ATG7: variants seen among roughly 807,000 people sequenced by gnomAD.
ATG7 encodes the protein ubiquitin-like modifier-activating enzyme ATG7.
A neutral mutation model predicts 82.4 loss-of-function variants in ATG7; 70 were observed. The ratio of observed to expected loss-of-function variants is 0.85; its 90% confidence interval spans 0.70 to 1.04. ATG7 has a LOEUF of 1.04. ATG7 is among the 50% of genes least tolerant of loss of function. The probability of loss-of-function intolerance (pLI) is 0.00; values close to 1 mark genes in which losing one functional copy is unlikely to be tolerated. For synonymous variants in ATG7, 287 were observed against 313.0 expected (o/e 0.92, Z 0.88); for missense variants, 792 against 864.3 (o/e 0.92, Z 1.05).
At chr3:11,376,806 T>C (rs2077448202) in intron 18 of ATG7, among the ~76,000 whole-genome samples, 5 of 152,172 alleles carry the variant, frequency 3.3e-5, no homozygotes. Flanking sequence ...TGGCACCATC[T>C]CGGCTCACTG....
At chr3:11,339,133 G>A (rs939152699) in intron 11 of ATG7, among the ~76,000 whole-genome samples, 4 of 151,662 alleles carry the variant, frequency 2.6e-5, no homozygotes, top group African/African-American at 9.7e-5. Flanking sequence ...CATCTCTACT[G>A]AAAATACAAA....
At chr3:11,488,548 G>A (rs1396786211) in intron 20 of ATG7, 25 of 997,558 alleles carry the variant, frequency 2.5e-5, no homozygotes, top group South Asian at 1.3e-4. Flanking sequence ...GCAGCGCAGC[G>A]GCGCCAACCA....
chr3:11,347,970 C>G lies in ATG7; in HGVS notation c.1219C>G (p.Leu407Val). 3 of 1,614,130 alleles carry G rather than the reference C, an allele frequency of 1.9e-6. No homozygotes were observed. The highest frequency in any genetic ancestry group is 8.5e-7 in the Non-Finnish European group (1 of 1,179,986). ...RQPLYEFEDC[L>V]GGGKPKALAA... is the part of the protein sequence containing the mutation. ...GCCTCTCTATGAGTTTGAAGATTGCCTAGGGGGTGGTAAGCCCAAGGCTCT... is the reference window on the plus strand; with the variant it reads ...GCCTCTCTATGAGTTTGAAGATTGCGTAGGGGGTGGTAAGCCCAAGGCTCT... The change falls in exon 14 of 21, where the codon CTA (leucine) becomes GTA (valine). Residue 407 changes from leucine (L) to valine (V), a missense_variant. Coordinates refer to ENST00000693202, the MANE Select transcript of ATG7 (RefSeq NM_001349232.2).
intron 20 of ATG7, among the ~76,000 whole-genome samples, chr3:11,551,537 T>A (rs2071781241): frequency 6.6e-6 from 1 of 152,180 alleles, no homozygotes; most frequent in Admixed American, 6.5e-5. Context: ...ATTCTGTACA[T>A]CCGATGTTAG....
intron 1 of ATG7, among the ~76,000 whole-genome samples, chr3:11,280,005 A>G (rs1313472511): frequency 6.7e-6 from 1 of 149,306 alleles, no homozygotes; most frequent in Non-Finnish European, 1.5e-5. Flanking sequence ...ATAACTGTTT[A>G]TTGAAGAAAT....
intron 20 of ATG7, among the ~76,000 whole-genome samples, chr3:11,510,902 C>T (rs367561267): frequency 1.1e-3 from 160 of 152,280 alleles, no homozygotes; most frequent in Non-Finnish European, 1.3e-3. Context: ...GGTTCTTGGT[C>T]TCACTGACTT....
rs376744180 is a variant in ATG7, at chr3:11,454,030, A to G, written c.2079+27104A>G. Among the ~76,000 whole-genome samples the G allele has an allele frequency of 3.1e-4, 47 of 152,278 alleles. No individual in the cohort carries two copies. In the South Asian group the frequency reaches 9.8e-3, roughly 32 times the overall value. ...CCACTTCAAACCTCAATCTTGCTAAACTGAGCTTTTCTTTTTAGATAGTCT... is the reference window on the plus strand; with the variant it reads ...CCACTTCAAACCTCAATCTTGCTAAGCTGAGCTTTTCTTTTTAGATAGTCT... On this transcript the variant is annotated intron_variant, in intron 20 of 20. Transcript: ENST00000693202.
intron 20 of ATG7, among the ~76,000 whole-genome samples, chr3:11,461,557 C>G (rs1400492465): frequency 6.6e-6 from 1 of 152,130 alleles, no homozygotes; most frequent in Non-Finnish European, 1.5e-5. Flanking sequence ...ATTGAACAGA[C>G]TCAAAAGCAA....
chr3:11,415,712 C>T (rs529665802), intron 19 of ATG7, among the ~76,000 whole-genome samples: 2 of 152,012 alleles, frequency 1.3e-5, no homozygotes, highest in Admixed American at 6.6e-5. Context: ...ATGCATAGAG[C>T]TGTCATCTCT....
intron 19 of ATG7, among the ~76,000 whole-genome samples, chr3:11,420,346 CTTT>C: frequency 6.6e-6 from 1 of 152,080 alleles, no homozygotes; most frequent in Admixed American, 6.6e-5. Flanking sequence ...TGGAGGAGGC[CTTT>C]TTTTGTTTTT....
At position 11,556,815 on chromosome 3, in the gene ATG7, T is replaced by C. The variant is rs1027211094; in HGVS notation, c.*1972T>C. 2 of 152,718 alleles carry C rather than the reference T, an allele frequency of 1.3e-5. No individual in the cohort carries two copies. Among genetic ancestry groups the C allele is most frequent in the Admixed American group, 6.5e-5 (1 of 15,276 alleles). 9.5% of individuals were successfully genotyped at this position (152,718 alleles called of 1,614,324 possible). ...TCAACGATTTTTCCTACAGAAAATA[T>C]AGGGGCCTGAATGCCAAAGCTTGGA... On this transcript the variant is annotated 3_prime_UTR_variant, in exon 21 of 21. Transcript: ENST00000693202.
chr3:11,558,967 C>T (rs1242995497), downstream of ATG7: 5 of 1,048,810 alleles, frequency 4.8e-6, no homozygotes, highest in Admixed American at 1.2e-4. Flanking sequence ...GAACCCACCT[C>T]CCCCGGCTAA....
chr3:11,452,822 T>C (rs191912425), intron 20 of ATG7, among the ~76,000 whole-genome samples: 2 of 152,318 alleles, frequency 1.3e-5, no homozygotes, highest in African/African-American at 4.8e-5. Context: ...TTAAGACCTA[T>C]TCTTTTTAGT....
At chr3:11,475,821 ATTAT>A (rs1679569052) in intron 20 of ATG7, among the ~76,000 whole-genome samples, 1 of 148,186 alleles carries the variant, frequency 6.7e-6, no homozygotes, top group South Asian at 2.2e-4. Flanking sequence ...GGCAGTTGGT[ATTAT>A]TTCTTAACTT....
intron 20 of ATG7, among the ~76,000 whole-genome samples, chr3:11,490,723 A>C (rs1323608716): frequency 6.7e-6 from 1 of 148,808 alleles, no homozygotes; most frequent in Non-Finnish European, 1.5e-5. Flanking sequence ...TTTCTCCTTC[A>C]CTTATGAAGC....
intron 18 of ATG7, among the ~76,000 whole-genome samples, chr3:11,369,318 CCT>C (rs1216381290): frequency 3.3e-5 from 5 of 150,960 alleles, no homozygotes; most frequent in African/African-American, 1.2e-4. Context: ...TGGTTCTAAA[CCT>C]CTCTGGTTGA....
At chr3:11,534,231 C>T (rs892088216) in intron 20 of ATG7, among the ~76,000 whole-genome samples, 1 of 152,262 alleles carries the variant, frequency 6.6e-6, no homozygotes, top group East Asian at 1.9e-4. Context: ...GAGTGAAAAG[C>T]TCCCAGAGTC....
chr3:11,368,703 A>G (rs1296403544), intron 18 of ATG7, among the ~76,000 whole-genome samples: 1 of 139,638 alleles, frequency 7.2e-6, no homozygotes, highest in African/African-American at 2.7e-5. Context: ...ACACTACTGC[A>G]TTCCAGCCTG....
intron 20 of ATG7, among the ~76,000 whole-genome samples, chr3:11,510,967 G>A (rs1251031614): frequency 2.0e-5 from 3 of 151,968 alleles, no homozygotes; most frequent in African/African-American, 7.3e-5. Flanking sequence ...AAGGTGGCGC[G>A]TCTGGAGTCT....
Sources: gnomAD v4.1 joint callset for allele counts (sites outside exome capture counted in the v4.1 genomes callset) on GRCh38, gnomAD v4.1.1 for gene constraint, MANE v1.5 for transcripts, NCBI Gene and HGNC (gene_info 2026-07-23, HGNC 2026-07-21) for gene names.